PROSER2: variants seen among roughly 807,000 people sequenced by gnomAD.
PROSER2 encodes the protein proline and serine-rich protein 2.
Under a neutral mutation model 14.6 loss-of-function variants are expected in PROSER2, and 18 were observed. The observed-to-expected ratio is 1.23, with a 90% confidence interval of 0.85 to 1.83. The LOEUF is 1.83. PROSER2 is among the 40% of genes most tolerant of loss of function. PROSER2 has a pLI of 0.00. For synonymous variants in PROSER2, 367 were observed against 286.4 expected (o/e 1.28, Z -2.84); for missense variants, 823 against 629.8 (o/e 1.31, Z -3.28).
chr10:11,842,418 G>A (rs1353331330), intron 1 of PROSER2, among the ~76,000 whole-genome samples: 1 of 150,678 alleles, frequency 6.6e-6, no homozygotes, highest in African/African-American at 2.4e-5. Flanking sequence ...CTCTAATTTA[G>A]ATGGTAAATG....
chr10:11,866,881 G>A lies in PROSER2; in HGVS notation c.391+98G>A. The A allele has an allele frequency of 7.1e-7, 1 of 1,404,862 alleles. No individual in the cohort carries two copies. Among genetic ancestry groups the A allele is most frequent in the Non-Finnish European group, 9.5e-7 (1 of 1,053,044 alleles). The allele number at this position is 1,404,862 out of a possible 1,614,324, so 87.0% of individuals were successfully genotyped here. A position where few individuals can be genotyped will look rare whatever the true frequency, so the allele number is the denominator to read the frequency against. Reference sequence around the variant, plus strand: ...TGTTCCCCTGTGTTTGCCAGTAGAAGTTGTTGAGTCTTACCAGATTTTTAT... The same window carrying A: ...TGTTCCCCTGTGTTTGCCAGTAGAAATTGTTGAGTCTTACCAGATTTTTAT... On this transcript the variant is annotated intron_variant, in intron 3 of 3. Coordinates refer to ENST00000277570, the MANE Select transcript of PROSER2 (RefSeq NM_153256.4). This position sits in a 1 kb window ranked among gnomAD's most constrained non-coding sequence, Gnocchi z 6.0.
intron 1 of PROSER2, among the ~76,000 whole-genome samples, chr10:11,839,475 T>C (rs1232159151): frequency 1.3e-5 from 2 of 152,244 alleles, no homozygotes; most frequent in African/African-American, 2.4e-5. Context: ...CTTTCCAGTC[T>C]GTTTCACTGC....
chr10:11,849,675 T>G (rs1833983224), intron 1 of PROSER2: 1 of 151,902 alleles, frequency 6.6e-6, no homozygotes, highest in Non-Finnish European at 1.5e-5. Context: ...TTTGGGAGAG[T>G]GGTAACAATT....
chr10:11,834,461 G>A (rs962327757), intron 1 of PROSER2, among the ~76,000 whole-genome samples: 6 of 151,902 alleles, frequency 3.9e-5, no homozygotes, highest in Admixed American at 6.6e-5. Flanking sequence ...CTGGCAGGGC[G>A]TGGTGGCTCA....
In PROSER2 at chr10:11,834,244, C is replaced by T. The variant is rs150102043; in HGVS notation, c.-82+10774C>T. Among the ~76,000 whole-genome samples the T allele has an allele frequency of 1.4e-3, 206 of 148,624 alleles. 1 individual carries two copies. Among genetic ancestry groups the T allele is most frequent in the African/African-American group, 5.1e-3 (201 of 39,114 alleles). On this transcript the variant is annotated intron_variant, in intron 1 of 3. Coordinates refer to ENST00000277570, the MANE Select transcript of PROSER2 (RefSeq NM_153256.4). ...TTTTGACCTCGTGACTTACCCACCT[C>T]GGCCTCCCAAAGTGCTGGGATTACA...
In PROSER2 at chr10:11,852,035, C is replaced by T. The variant is rs142669381; in HGVS notation, c.-43C>T. 3.6e-4 allele frequency: 555 copies of T among 1,556,842 alleles called. 2 individuals are homozygous for T. The African/African-American group carries it at 6.4e-3, about 18-fold the overall frequency. On this transcript the variant is annotated 5_prime_UTR_variant, in exon 2 of 4. Coordinates refer to ENST00000277570, the MANE Select transcript of PROSER2 (RefSeq NM_153256.4). ...CCGCAGAATGGGCTGCTGGCTCCTG[C>T]CCTGCTTCCTGTGATCGAGCCGGCC...
At chr10:11,835,405 A>G (rs1197747612) in intron 1 of PROSER2, among the ~76,000 whole-genome samples, 1 of 152,158 alleles carries the variant, frequency 6.6e-6, no homozygotes, top group Non-Finnish European at 1.5e-5. Flanking sequence ...ACTAGGGTAA[A>G]ATCCTATTTT....
chr10:11,869,894 G>C lies in PROSER2; in HGVS notation c.796G>C (p.Glu266Gln), dbSNP rs1834436054. Residue 266 changes from glutamate to glutamine, a missense_variant, in exon 4 of 4, where the codon GAG becomes CAG. Coordinates refer to ENST00000277570, the MANE Select transcript of PROSER2 (RefSeq NM_153256.4). The surrounding 1 kb of genome is among the most constrained non-coding windows in gnomAD (Gnocchi z 4.4). ...NIIVTNGAAR[E>Q]PRRTLSRAAV... Reference sequence around the variant, plus strand: ...CATCGTCACCAACGGCGCGGCCCGGGAGCCCCGCAGGACCCTGTCCAGGGC... The same window carrying C: ...CATCGTCACCAACGGCGCGGCCCGGCAGCCCCGCAGGACCCTGTCCAGGGC... The C allele has an allele frequency of 6.3e-7, 1 of 1,588,628 alleles. No individual in the cohort carries two copies. Among genetic ancestry groups the C allele is most frequent in the East Asian group, 2.3e-5 (1 of 43,850 alleles).
At chr10:11,840,085 T>C (rs1474136597) in intron 1 of PROSER2, among the ~76,000 whole-genome samples, 1 of 151,650 alleles carries the variant, frequency 6.6e-6, no homozygotes, top group Non-Finnish European at 1.5e-5. Flanking sequence ...CCCAAGTAGC[T>C]GGGACTACAG....
chr10:11,868,694 A>C (rs1834401793), intron 3 of PROSER2, among the ~76,000 whole-genome samples: 1 of 152,176 alleles, frequency 6.6e-6, no homozygotes, highest in Non-Finnish European at 1.5e-5. Context: ...TGTGTCACTC[A>C]GGCTGGAGTG....
chr10:11,864,210 A>C (rs1054708639), intron 2 of PROSER2, among the ~76,000 whole-genome samples: 4 of 152,128 alleles, frequency 2.6e-5, no homozygotes, highest in African/African-American at 7.2e-5. Context: ...CCTAGTTCAC[A>C]ATTTATCCGG....
intron 1 of PROSER2, among the ~76,000 whole-genome samples, chr10:11,845,648 G>A (rs1462814752): frequency 2.0e-5 from 3 of 152,296 alleles, no homozygotes; most frequent in South Asian, 2.1e-4. Flanking sequence ...CTAGGCCCTC[G>A]GGGAAAGGGA....
chr10:11,870,314 G>A lies in PROSER2; in HGVS notation c.1216G>A (p.Gly406Ser), dbSNP rs1016567124. 4.7e-6 allele frequency: 7 copies of A among 1,498,258 alleles called. No homozygotes were observed. Among genetic ancestry groups the A allele is most frequent in the African/African-American group, 4.4e-5 (3 of 68,600 alleles). 92.8% of individuals were successfully genotyped at this position (1,498,258 alleles called of 1,614,324 possible). ...CGCAGACTCCCTGCCCCGGCCCCAG[G>A]GCATCACCGTGCAGTTCGCGGGCCG... ...RRADSLPRPQ[G>S]ITVQFAGRGS... Residue 406 changes from glycine to serine, a missense_variant, in exon 4 of 4, where the codon GGC (glycine) becomes AGC (serine). Transcript: ENST00000277570.
Position 11,869,638 on chromosome 10 carries a change from G to A in PROSER2, c.540G>A (p.Pro180=), listed in dbSNP as rs1196289361. Residue 180 remains proline, a synonymous_variant, in exon 4 of 4, where the codon CCG becomes CCA. Coordinates refer to ENST00000277570, the MANE Select transcript of PROSER2 (RefSeq NM_153256.4). This position sits in a 1 kb window ranked among gnomAD's most constrained non-coding sequence, Gnocchi z 4.4. ...GGAGGGAGCTGCGCGCCCCCTCCCC[G>A]CCGGTGGAGCACCCCAGACTCCTGC... ...PPRRELRAPS[P]PVEHPRLLRS... 3.8e-6 allele frequency: 6 copies of A among 1,597,766 alleles called. No homozygotes were observed. The highest frequency in any genetic ancestry group is 1.3e-5 in the African/African-American group (1 of 74,502).
intron 1 of PROSER2, among the ~76,000 whole-genome samples, chr10:11,834,762 A>G (rs966510580): frequency 1.3e-5 from 2 of 151,896 alleles, no homozygotes; most frequent in Admixed American, 6.6e-5. Flanking sequence ...AAACTCGGCC[A>G]CCTTGCCTGG....
chr10:11,860,273 A>G (rs1834210241), intron 2 of PROSER2, among the ~76,000 whole-genome samples: 2 of 152,260 alleles, frequency 1.3e-5, no homozygotes, highest in Admixed American at 6.5e-5. Context: ...GGATGTGAGA[A>G]TCTCAGGCTT....
chr10:11,863,859 T>C (rs1834292573), intron 2 of PROSER2, among the ~76,000 whole-genome samples: 1 of 152,252 alleles, frequency 6.6e-6, no homozygotes, highest in Non-Finnish European at 1.5e-5. Context: ...TTAGTTTTTC[T>C]GTGGTTGCTC....
At chr10:11,835,803 CCA>C (rs1337697355) in intron 1 of PROSER2, among the ~76,000 whole-genome samples, 4 of 152,100 alleles carry the variant, frequency 2.6e-5, no homozygotes, top group Admixed American at 6.5e-5. Flanking sequence ...TCGTCAAGAG[CCA>C]CTAGCATTAG....
At chr10:11,852,541 CT>C (rs35880911) in intron 2 of PROSER2, among the ~76,000 whole-genome samples, 1 of 150,888 alleles carries the variant, frequency 6.6e-6, no homozygotes, top group African/African-American at 2.4e-5. Flanking sequence ...ACAGTTGACT[CT>C]TTTTTTTGAG....
Sources: allele counts gnomAD v4.1 joint callset (sites outside exome capture counted in the v4.1 genomes callset), GRCh38; gene constraint gnomAD v4.1.1; non-coding constraint Gnocchi (gnomAD v3.1); transcripts MANE v1.5; gene names NCBI Gene and HGNC (gene_info 2026-07-23, HGNC 2026-07-21).